WDFY3: variants seen among roughly 807,000 people sequenced by gnomAD.
The protein encoded by WDFY3 is WD repeat and FYVE domain-containing protein 3.
Under a neutral mutation model 409.6 loss-of-function variants are expected in WDFY3, and 66 were observed. The ratio of observed to expected loss-of-function variants is 0.16; its 90% CI spans 0.13 to 0.20. WDFY3 has a LOEUF of 0.20. WDFY3 is among the 10% of genes least tolerant of loss of function. The pLI, the probability that WDFY3 is intolerant of heterozygous loss-of-function variation, is 1.00. For synonymous variants in WDFY3, 1,521 were observed against 1,537.1 expected, an observed-to-expected ratio of 0.99 and a Z score of 0.25; for missense variants, 3,031 against 4,298.1, an observed-to-expected ratio of 0.71 and a Z score of 8.24.
rs151198610 is a variant in WDFY3 at position 84,808,679 on chromosome 4, G to C, written c.2346-262C>G. On this transcript the variant is annotated intron_variant, in intron 14 of 67. Coordinates refer to ENST00000295888, the MANE Select transcript of WDFY3 (RefSeq NM_014991.6). ...TGCTCTAAGCCCTATTTTTGACAGT[G>C]ACTAAAAATGATGTATTCTAACTAG... is the stretch of plus-strand genomic sequence containing the variant. Among the ~76,000 whole-genome samples, 3 of 152,250 alleles carry C rather than the reference G, an allele frequency of 2.0e-5. No homozygotes were observed. In the East Asian group the frequency reaches 5.8e-4, roughly 29 times the overall value.
intron 1 of WDFY3, among the ~76,000 whole-genome samples, chr4:84,941,723 G>A (rs148787719): frequency 3.2e-3 from 481 of 152,014 alleles, no homozygotes; most frequent in African/African-American, 0.011. Context: ...TAGTCAAAAC[G>A]ATTTGGAAAC....
intron 36 of WDFY3, among the ~76,000 whole-genome samples, chr4:84,745,710 A>T (rs933657286): frequency 6.6e-6 from 1 of 152,154 alleles, no homozygotes; most frequent in African/African-American, 2.4e-5. Context: ...TTTGGGAAAA[A>T]GTGAAGAACA....
At chr4:84,729,209 C>T (rs1736158111) in intron 44 of WDFY3, among the ~76,000 whole-genome samples, 2 of 151,698 alleles carry the variant, frequency 1.3e-5, no homozygotes, top group African/African-American at 4.8e-5. Flanking sequence ...AGAATTAAAG[C>T]CTAGTTAATA....
In WDFY3 at chr4:84,850,332, T is replaced by C. The variant is rs2046403; in HGVS notation, c.181-307A>G. 2.0e-5 allele frequency among the ~76,000 whole-genome samples: 3 copies of C among 151,118 alleles called. No homozygotes were observed. In the South Asian group the frequency reaches 6.3e-4, roughly 32 times the overall value. On this transcript the variant is annotated intron_variant, in intron 4 of 67. Transcript: ENST00000295888. Reference sequence around the variant, plus strand: ...AGAAATTATAACGTTTCTTTTTTTTTGGGGGGGACAGATTCTCACTCTGTC... The same window carrying C: ...AGAAATTATAACGTTTCTTTTTTTTCGGGGGGGACAGATTCTCACTCTGTC...
chr4:84,963,331 C>A (rs779307508), intron 1 of WDFY3, among the ~76,000 whole-genome samples: 1 of 150,232 alleles, frequency 6.7e-6, no homozygotes, highest in Non-Finnish European at 1.5e-5. Context: ...GGCTGAGGCA[C>A]GAGAATCTCT....
intron 1 of WDFY3, among the ~76,000 whole-genome samples, chr4:84,958,884 G>A (rs1002119787): frequency 4.6e-5 from 7 of 152,180 alleles, no homozygotes; most frequent in African/African-American, 1.7e-4. Flanking sequence ...CTCTTCTAAT[G>A]GACCTTTACA....
At chr4:84,729,279 A>G (rs1434310196) in intron 44 of WDFY3, among the ~76,000 whole-genome samples, 3 of 152,004 alleles carry the variant, frequency 2.0e-5, no homozygotes, top group Admixed American at 6.5e-5. Context: ...CTTAGGATTC[A>G]GAGGAACAAC....
At chr4:84,883,630 C>T (rs1052974806) in intron 3 of WDFY3, among the ~76,000 whole-genome samples, 7 of 152,028 alleles carry the variant, frequency 4.6e-5, no homozygotes, top group African/African-American at 1.2e-4. Flanking sequence ...TATATCATTA[C>T]TGAAGGATTA....
intron 1 of WDFY3, among the ~76,000 whole-genome samples, chr4:84,958,698 G>A (rs1038355629): frequency 9.9e-5 from 15 of 152,166 alleles, no homozygotes; most frequent in Non-Finnish European, 1.9e-4. Context: ...AGAAGTCAAA[G>A]TCCTAACACT....
At chr4:84,681,839 CT>C (rs1243264536) in intron 64 of WDFY3, among the ~76,000 whole-genome samples, 2 of 152,206 alleles carry the variant, frequency 1.3e-5, no homozygotes, top group African/African-American at 2.4e-5. Context: ...CTATATTTCA[CT>C]GAAAAATTTT....
intron 1 of WDFY3, among the ~76,000 whole-genome samples, chr4:84,938,181 C>T (rs933953063): frequency 2.0e-5 from 3 of 152,098 alleles, no homozygotes; most frequent in African/African-American, 7.2e-5. Flanking sequence ...GAATCTGGCA[C>T]ATAGCAGGCA....
At chr4:84,763,103 T>C (rs986530966) in intron 32 of WDFY3, among the ~76,000 whole-genome samples, 12 of 152,190 alleles carry the variant, frequency 7.9e-5, no homozygotes, top group Non-Finnish European at 2.9e-5. Context: ...TCACATTATT[T>C]TCCCCTATAA....
At chr4:84,842,582 A>G (rs2150042452) in intron 5 of WDFY3, among the ~76,000 whole-genome samples, 1 of 152,284 alleles carries the variant, frequency 6.6e-6, no homozygotes, top group African/African-American at 2.4e-5. Context: ...GATCGAGGCC[A>G]TCTTGGCCAC....
Position 84,669,911 on chromosome 4 carries a change from T to A in WDFY3, c.*2957A>T. 6.6e-6 allele frequency: 1 copy of A among 152,492 alleles called. No homozygotes were observed. The highest frequency in any genetic ancestry group is 1.5e-5 in the Non-Finnish European group (1 of 68,018). The allele number at this position is 152,492 out of a possible 1,614,324, so 9.4% of individuals were successfully genotyped here. A position where few individuals can be genotyped will look rare whatever the true frequency, so the allele number is the denominator to read the frequency against. Reference sequence around the variant, plus strand: ...GCACTGACACAAAAAGTCAGCTGTGTTAAGAGTCATGCAACAAGTAACCAA... The same window carrying A: ...GCACTGACACAAAAAGTCAGCTGTGATAAGAGTCATGCAACAAGTAACCAA... On this transcript the variant is annotated 3_prime_UTR_variant, in exon 68 of 68. Coordinates refer to ENST00000295888, the MANE Select transcript of WDFY3 (RefSeq NM_014991.6).
chr4:84,686,578 G>A (rs191898782), intron 62 of WDFY3, among the ~76,000 whole-genome samples: 53 of 152,272 alleles, frequency 3.5e-4, no homozygotes, highest in Middle Eastern at 6.8e-3. Context: ...AAAGCTGTCT[G>A]TGTAGGTGAT....
At chr4:84,674,824 C>A (rs573858242) in intron 67 of WDFY3, among the ~76,000 whole-genome samples, 1 of 146,074 alleles carries the variant, frequency 6.8e-6, no homozygotes, top group Admixed American at 6.8e-5. Flanking sequence ...GCCGAGATCA[C>A]GCCACTGCAC....
At chr4:84,713,379 AT>A in intron 50 of WDFY3, 140 bp from the exon 51 acceptor site, 1 of 678,540 alleles carries the variant, frequency 1.5e-6, no homozygotes, top group South Asian at 1.9e-5. Context: ...GGCAAAAGGA[AT>A]ATATAAATTT....
intron 55 of WDFY3, 69 bp downstream of exon 55, chr4:84,704,269 T>C: frequency 8.8e-7 from 1 of 1,141,448 alleles, no homozygotes; most frequent in Non-Finnish European, 1.2e-6. Flanking sequence ...TAATGATGTT[T>C]TAAAAGGTGA....
intron 2 of WDFY3, among the ~76,000 whole-genome samples, chr4:84,916,533 T>A (rs1768512571): frequency 6.6e-6 from 1 of 152,162 alleles, no homozygotes; most frequent in Non-Finnish European, 1.5e-5. Context: ...GACTGATCAG[T>A]TTGTACTCAG....
Sources: gnomAD v4.1 joint callset for allele counts (sites outside exome capture counted in the v4.1 genomes callset) on GRCh38, gnomAD v4.1.1 for gene constraint, MANE v1.5 for transcripts, NCBI Gene and HGNC (gene_info 2026-07-23, HGNC 2026-07-21) for gene names.